ENY2: variants seen among roughly 807,000 people sequenced by gnomAD.
ENY2 encodes the protein transcription and mRNA export factor ENY2.
Under a neutral mutation model 15.9 loss-of-function variants are expected in ENY2, and 4 were observed. The observed-to-expected ratio is 0.25, with a 90% CI of 0.12 to 0.57. The LOEUF is 0.57. Among genes scored for constraint, ENY2 ranks in the 20% least tolerant of loss-of-function variants. The pLI is 0.91. For missense variants in ENY2, 54 were observed against 117.2 expected, an observed-to-expected ratio of 0.46 and a Z score of 2.49; for synonymous variants, 48 against 38.0, an observed-to-expected ratio of 1.26 and a Z score of -0.97.
intron 3 of ENY2, chr8:109,340,278 G>A (rs533587040): frequency 1.1e-5 from 6 of 566,152 alleles, no homozygotes; most frequent in East Asian, 1.0e-4. Flanking sequence ...TTTAGTTGCT[G>A]GTTATTTAGC....
intron 4 of ENY2, among the ~76,000 whole-genome samples, chr8:109,340,962 A>T (rs1816098641): frequency 6.6e-6 from 1 of 152,158 alleles, no homozygotes; most frequent in African/African-American, 2.4e-5. Flanking sequence ...CTCATTAAAA[A>T]TTAATGAAGG....
At chr8:109,336,047 A>C (rs1287386489) in intron 1 of ENY2, 81 bp from the exon 2 acceptor site, 1 of 1,273,878 alleles carries the variant, frequency 7.9e-7, no homozygotes, top group African/African-American at 1.5e-5. Flanking sequence ...AATGGTAAAC[A>C]TGTTAGGATG....
intron 4 of ENY2, among the ~76,000 whole-genome samples, 179 bp from the exon 5 acceptor site, chr8:109,343,226 A>G (rs999836521): frequency 4.6e-5 from 7 of 152,198 alleles, no homozygotes; most frequent in African/African-American, 1.7e-4. Context: ...GTTCATTTAA[A>G]ATGATGAATT....
At chr8:109,334,583 G>T in intron 1 of ENY2, 109 bp downstream of exon 1, 3 of 1,345,564 alleles carry the variant, frequency 2.2e-6, no homozygotes, top group Middle Eastern at 4.2e-4. Flanking sequence ...GGCCTGTAGG[G>T]CTCTCCGACA....
chr8:109,341,574 A>G (rs1219387227), intron 4 of ENY2, among the ~76,000 whole-genome samples: 1 of 152,184 alleles, frequency 6.6e-6, no homozygotes, highest in Non-Finnish European at 1.5e-5. Context: ...GGAACCAGCT[A>G]TACAAGTTAG....
In ENY2 at chr8:109,339,317, C is replaced by T; in HGVS notation, c.84-3C>T. On this transcript the variant is annotated splice_region_variant and splice_polypyrimidine_tract_variant and intron_variant, in intron 2 of 4. Coordinates refer to ENST00000521688, the MANE Select transcript of ENY2 (RefSeq NM_020189.6). Reference sequence around the variant, plus strand: ...CAATTTGAAAACACTTCTGTTTCAACAGCCTCAAAGAGTTGCTGAGAGCTA... The same window carrying T: ...CAATTTGAAAACACTTCTGTTTCAATAGCCTCAAAGAGTTGCTGAGAGCTA... The T allele has an allele frequency of 6.2e-7, 1 of 1,613,416 alleles. No individual in the cohort carries two copies. Among genetic ancestry groups the T allele is most frequent in the Non-Finnish European group, 8.5e-7 (1 of 1,179,518 alleles).
At chr8:109,338,164 A>G (rs1816032280) in intron 2 of ENY2, among the ~76,000 whole-genome samples, 1 of 152,206 alleles carries the variant, frequency 6.6e-6, no homozygotes, top group Admixed American at 6.5e-5. Context: ...GAGAAGAACT[A>G]AGTGTACAAG....
chr8:109,344,710 C>CTGG lies in ENY2; in HGVS notation c.*1232_*1234dup, dbSNP rs1377774442. The CTGG allele has an allele frequency of 6.6e-6, 1 of 152,236 alleles. No homozygotes were observed. Among genetic ancestry groups the CTGG allele is most frequent in the African/African-American group, 2.4e-5 (1 of 41,466 alleles). The allele number at this position is 152,236 out of a possible 1,614,324, so 9.4% of individuals were successfully genotyped here. On this transcript the variant is annotated 3_prime_UTR_variant, in exon 5 of 5. Transcript: ENST00000521688. ...TTCTGTATTTCTGGCGAGTACCCAA[C>CTGG]TGGTGCTCATGCTGCTGATTGAGAA...
chr8:109,341,865 C>T (rs1816120307), intron 4 of ENY2, among the ~76,000 whole-genome samples: 2 of 152,066 alleles, frequency 1.3e-5, no homozygotes, highest in South Asian at 4.2e-4. Flanking sequence ...CCAAAACCTC[C>T]CTCATGGTAT....
intron 4 of ENY2, 93 bp downstream of exon 4, chr8:109,340,656 G>A (rs1816092130): frequency 6.6e-7 from 1 of 1,513,418 alleles, no homozygotes; most frequent in Non-Finnish European, 9.0e-7. Context: ...TGTTTTTAAG[G>A]AAAAGCACTA....
rs946332157 is a variant in ENY2 at position 109,344,699 on chromosome 8, C to G, written c.*1218C>G. On this transcript the variant is annotated 3_prime_UTR_variant, in exon 5 of 5. Transcript: ENST00000521688. Reference sequence around the variant, plus strand: ...TGGCTTTAAGATTCTGTATTTCTGGCGAGTACCCAACTGGTGCTCATGCTG... The same window carrying G: ...TGGCTTTAAGATTCTGTATTTCTGGGGAGTACCCAACTGGTGCTCATGCTG... 6.6e-6 allele frequency: 1 copy of G among 152,156 alleles called. No homozygotes were observed. The highest frequency in any genetic ancestry group is 2.4e-5 in the African/African-American group (1 of 41,428). 9.4% of individuals were successfully genotyped at this position (152,156 alleles called of 1,614,324 possible).
At chr8:109,334,652 CT>C (rs1309612232) in intron 1 of ENY2, 178 bp downstream of exon 1, 1 of 635,090 alleles carries the variant, frequency 1.6e-6, no homozygotes. Context: ...GGCTCCTCCT[CT>C]CCCGCCTCTC....
intron 2 of ENY2, among the ~76,000 whole-genome samples, chr8:109,337,355 G>T (rs199534982): frequency 3.4e-5 from 5 of 147,812 alleles, no homozygotes; most frequent in Non-Finnish European, 6.0e-5. Flanking sequence ...ATTGTATGTT[G>T]TTTTTTTTTT....
rs951000479 is a variant in ENY2, at chr8:109,345,581, C to T, written c.*2100C>T. ...TTCTAAAGTAAGTGATAGGGATGCTCATCATTCTGCTACCTATTATCACAA... is the reference window on the plus strand; with the variant it reads ...TTCTAAAGTAAGTGATAGGGATGCTTATCATTCTGCTACCTATTATCACAA... On this transcript the variant is annotated 3_prime_UTR_variant, in exon 5 of 5. Coordinates refer to ENST00000521688, the MANE Select transcript of ENY2 (RefSeq NM_020189.6). 3 of 152,140 alleles carry T rather than the reference C, an allele frequency of 2.0e-5. No homozygotes were observed. Among genetic ancestry groups the T allele is most frequent in the Non-Finnish European group, 2.9e-5 (2 of 68,020 alleles). 9.4% of individuals were successfully genotyped at this position (152,140 alleles called of 1,614,324 possible).
At chr8:109,340,323 AAAG>A in intron 3 of ENY2, 163 bp from the exon 4 acceptor site, 1 of 924,988 alleles carries the variant, frequency 1.1e-6, no homozygotes, top group Non-Finnish European at 1.6e-6. Context: ...TTTTAGATCT[AAAG>A]AATACTTGAT....
At chr8:109,336,285 C>T (rs528132325) in intron 2 of ENY2, 81 bp downstream of exon 2, 2 of 1,130,432 alleles carry the variant, frequency 1.8e-6, no homozygotes, top group Middle Eastern at 2.0e-4. Flanking sequence ...AGAAATGAAA[C>T]ATGTCACTGG....
At chr8:109,334,533 ATG>A in intron 1 of ENY2, 59 bp downstream of exon 1, 1 of 1,581,222 alleles carries the variant, frequency 6.3e-7, no homozygotes, top group Non-Finnish European at 8.6e-7. Flanking sequence ...GCTCCTTTCG[ATG>A]TACTGTCTTT....
intron 1 of ENY2, chr8:109,335,922 G>A (rs1815969861): frequency 7.5e-6 from 3 of 402,476 alleles, no homozygotes; most frequent in Middle Eastern, 4.4e-4. Flanking sequence ...TAAATGTGAT[G>A]TTTAAAAAAA....
chr8:109,338,564 T>A (rs1384052055), intron 2 of ENY2: 3 of 151,990 alleles, frequency 2.0e-5, no homozygotes, highest in African/African-American at 7.3e-5. Context: ...GAAAGAGAAT[T>A]TGTTTGGGAT....
Sources: gnomAD v4.1 joint callset for allele counts (sites outside exome capture counted in the v4.1 genomes callset) on GRCh38, gnomAD v4.1.1 for gene constraint, MANE v1.5 for transcripts, NCBI Gene and HGNC (gene_info 2026-07-23, HGNC 2026-07-21) for gene names.